The following DTD1 variants were observed in gnomAD, a reference collection of about 807,000 sequenced individuals.
DTD1 encodes D-aminoacyl-tRNA deacylase 1, also known as D-tyrosyl-tRNA deacylase 1 homolog.
Under a neutral mutation model 25.6 loss-of-function variants are expected in DTD1, and 13 were observed. The ratio of observed to expected loss-of-function variants is 0.51; its 90% CI spans 0.33 to 0.81. The LOEUF (loss-of-function observed/expected upper bound fraction) is 0.81, where lower values mean the gene tolerates loss of function less well. Ranked by LOEUF, DTD1 falls within the 30% of genes least tolerant of loss-of-function variation. DTD1 has a pLI of 0.02. For missense variants in DTD1, 193 were observed against 266.4 expected (o/e 0.72, Z 1.92); for synonymous variants, 110 against 103.6 (o/e 1.06, Z -0.37).
intron 3 of DTD1, among the ~76,000 whole-genome samples, chr20:18,626,982 A>T (rs6136442): frequency 0.31 from 46,459 of 152,040 alleles, 7,643 homozygotes; most frequent in Non-Finnish European, 0.37. Context: ...TTCCCAGCTG[A>T]TGTCTTTTTA....
At chr20:18,759,434 G>A (rs896246161) in intron 5 of DTD1, among the ~76,000 whole-genome samples, 5 of 152,158 alleles carry the variant, frequency 3.3e-5, no homozygotes, top group African/African-American at 9.7e-5. Context: ...AGGCCTGGTG[G>A]TGACCAATCT....
chr20:18,756,650 C>T (rs1276936468), intron 5 of DTD1, among the ~76,000 whole-genome samples: 5 of 151,988 alleles, frequency 3.3e-5, no homozygotes, highest in African/African-American at 1.2e-4. Context: ...GGTACCAGTA[C>T]CATGCTGTTT....
chr20:18,606,152 A>G (rs1470454043), intron 3 of DTD1, among the ~76,000 whole-genome samples: 1 of 150,772 alleles, frequency 6.6e-6, no homozygotes, highest in Non-Finnish European at 1.5e-5. Context: ...GAAGACATTT[A>G]TGCAGCCAAA....
intron 4 of DTD1, among the ~76,000 whole-genome samples, chr20:18,628,441 C>A (rs1455535057): frequency 6.6e-6 from 1 of 152,236 alleles, no homozygotes; most frequent in African/African-American, 2.4e-5. Flanking sequence ...CCTCGTCCTG[C>A]CTTTGAATTC....
intron 3 of DTD1, chr20:18,620,068 C>T (rs975429134): frequency 1.3e-5 from 2 of 152,076 alleles, no homozygotes. Flanking sequence ...ATGCTGAAGA[C>T]ACACTGTTTT....
chr20:18,667,672 G>A (rs1409975949), intron 4 of DTD1, among the ~76,000 whole-genome samples: 1 of 152,134 alleles, frequency 6.6e-6, no homozygotes, highest in Admixed American at 6.5e-5. Flanking sequence ...ACTATGACAT[G>A]GATCCGTCTG....
intron 3 of DTD1, among the ~76,000 whole-genome samples, chr20:18,617,309 A>AG (rs1324571297): frequency 4.0e-5 from 6 of 149,166 alleles, no homozygotes; most frequent in Admixed American, 2.7e-4. Context: ...CTACGAATTC[A>AG]GAAAAAAATT....
At chr20:18,729,735 C>T (rs2061233955) in intron 4 of DTD1, among the ~76,000 whole-genome samples, 1 of 152,218 alleles carries the variant, frequency 6.6e-6, no homozygotes, top group Non-Finnish European at 1.5e-5. Context: ...AACGACAACA[C>T]AAACAGCCTA....
intron 3 of DTD1, among the ~76,000 whole-genome samples, chr20:18,612,883 T>C (rs1193078562): frequency 6.6e-6 from 1 of 152,150 alleles, no homozygotes; most frequent in Admixed American, 6.5e-5. Flanking sequence ...GGTCTGGAAC[T>C]CCTGACCTCA....
Position 18,757,652 on chromosome 20 carries a change from G to T in DTD1, c.*20-5708G>T, listed in dbSNP as rs547622546. Among the ~76,000 whole-genome samples, 52 of 152,306 alleles carry T rather than the reference G, an allele frequency of 3.4e-4. 1 individual carries two copies. Among genetic ancestry groups the T allele is most frequent in the Admixed American group, 5.9e-4 (9 of 15,300 alleles). On this transcript the variant is annotated intron_variant, in intron 5 of 5. Coordinates refer to ENST00000377452, the MANE Select transcript of DTD1 (RefSeq NM_080820.6). ...TGATCGTGGTGGATAAGTTTTTGAT[G>T]TGCTGCTGGATTTGGTTTGCCAGTA...
chr20:18,675,635 A>T (rs188584162), intron 4 of DTD1: 1 of 152,252 alleles, frequency 6.6e-6, no homozygotes, highest in African/African-American at 2.4e-5. Context: ...AAAAGAAGAA[A>T]ATAAGATCAC....
rs1353468880 is a variant in DTD1 at position 18,669,540 on chromosome 20, T to C, written c.477+41307T>C. ...TCCTTGGCTTTCTGTTCCTCATCTG[T>C]AACCAGGGCTTGTTCATCCACATCT... On this transcript the variant is annotated intron_variant, in intron 4 of 5. Coordinates refer to ENST00000377452, the MANE Select transcript of DTD1 (RefSeq NM_080820.6). Among the ~76,000 whole-genome samples the C allele has an allele frequency of 2.0e-5, 3 of 152,182 alleles. No individual in the cohort carries two copies. The East Asian group carries it at 5.8e-4, about 29-fold the overall frequency.
rs1379703076 is a variant in DTD1 at position 18,596,260 on chromosome 20, T to G, written c.370+19T>G. ...ATCAAAGGTAAGCAGGAGAGCCACATCCAGGAACGGGTCTTTGGGACACTC... is the reference window on the plus strand; with the variant it reads ...ATCAAAGGTAAGCAGGAGAGCCACAGCCAGGAACGGGTCTTTGGGACACTC... On this transcript the variant is annotated intron_variant, in intron 3 of 5. Transcript: ENST00000377452. 2 of 1,606,224 alleles carry G rather than the reference T, an allele frequency of 1.2e-6. No homozygotes were observed. Among genetic ancestry groups the G allele is most frequent in the Middle Eastern group, 1.7e-4 (1 of 5,888 alleles).
chr20:18,756,564 A>C (rs576324602), intron 5 of DTD1, among the ~76,000 whole-genome samples: 1 of 152,334 alleles, frequency 6.6e-6, no homozygotes, highest in East Asian at 1.9e-4. Flanking sequence ...AGTTTTGTCA[A>C]AGATCAGATA....
At chr20:18,638,284 CT>C (rs2060815962) in intron 4 of DTD1, among the ~76,000 whole-genome samples, 1 of 152,168 alleles carries the variant, frequency 6.6e-6, no homozygotes, top group Non-Finnish European at 1.5e-5. Flanking sequence ...TTATTGGGTG[CT>C]TGCTCTGTGC....
chr20:18,644,833 T>C (rs1470346043), intron 4 of DTD1, among the ~76,000 whole-genome samples: 1 of 152,084 alleles, frequency 6.6e-6, no homozygotes, highest in Non-Finnish European at 1.5e-5. Context: ...AGGTCAGAGC[T>C]CAGCTTACTT....
chr20:18,695,034 A>G (rs1568671624), intron 4 of DTD1, among the ~76,000 whole-genome samples: 1 of 152,192 alleles, frequency 6.6e-6, no homozygotes, highest in Non-Finnish European at 1.5e-5. Context: ...CATGAAAAAC[A>G]TCAGGACACA....
chr20:18,628,383 G>A (rs918477061), intron 4 of DTD1, 150 bp downstream of exon 4: 78 of 649,872 alleles, frequency 1.2e-4, no homozygotes, highest in African/African-American at 6.5e-4. Flanking sequence ...GCATGTTTAC[G>A]GTGCACTCCT....
At chr20:18,650,066 A>C (rs1453729930) in intron 4 of DTD1, among the ~76,000 whole-genome samples, 1 of 152,094 alleles carries the variant, frequency 6.6e-6, no homozygotes, top group Non-Finnish European at 1.5e-5. Context: ...TAAACAAAAC[A>C]ACACACAAAA....
Sources: allele counts gnomAD v4.1 joint callset (sites outside exome capture counted in the v4.1 genomes callset), GRCh38; gene constraint gnomAD v4.1.1; transcripts MANE v1.5; gene names NCBI Gene and HGNC (gene_info 2026-07-23, HGNC 2026-07-21).